ADAMTS12: variants seen among roughly 807,000 people sequenced by gnomAD.
ADAMTS12 encodes A disintegrin and metalloproteinase with thrombospondin motifs 12.
Under a neutral mutation model 167.8 loss-of-function variants are expected in ADAMTS12, and 118 were observed. The observed-to-expected ratio is 0.70, with a 90% CI of 0.61 to 0.82. The LOEUF is 0.82. Among genes scored for constraint, ADAMTS12 ranks in the 40% least tolerant of loss-of-function variants. The probability of loss-of-function intolerance (pLI) is 0.00; values close to 1 mark genes in which losing one functional copy is unlikely to be tolerated. For missense variants in ADAMTS12, 1,916 were observed against 1,998.8 expected, an observed-to-expected ratio of 0.96 and a Z score of 0.79; for synonymous variants, 704 against 716.9, an observed-to-expected ratio of 0.98 and a Z score of 0.29.
intron 15 of ADAMTS12, among the ~76,000 whole-genome samples, chr5:33,615,199 A>G (rs1738936850): frequency 1.3e-5 from 2 of 152,218 alleles, no homozygotes. Context: ...CATGGATCAC[A>G]ACTGCCACGC....
At chr5:33,760,879 CTGTGTG>C (rs61110268) in intron 2 of ADAMTS12, among the ~76,000 whole-genome samples, 3,831 of 145,154 alleles carry the variant, frequency 0.026, 67 homozygotes, top group African/African-American at 0.048. Flanking sequence ...TGTCTTTGCT[CTGTGTG>C]TGTGTGTGTG....
At chr5:33,787,439 A>G (rs1461526070) in intron 2 of ADAMTS12, among the ~76,000 whole-genome samples, 1 of 152,274 alleles carries the variant, frequency 6.6e-6, no homozygotes, top group African/African-American at 2.4e-5. Flanking sequence ...AATATTTTCC[A>G]GCATTTGTGG....
chr5:33,720,549 A>G (rs1743773998), intron 3 of ADAMTS12, among the ~76,000 whole-genome samples: 1 of 152,202 alleles, frequency 6.6e-6, no homozygotes, highest in Non-Finnish European at 1.5e-5. Flanking sequence ...GATGAGATAA[A>G]TCTTGCCAGA....
At chr5:33,618,451 C>A (rs1235934397) in intron 14 of ADAMTS12, among the ~76,000 whole-genome samples, 5 of 152,166 alleles carry the variant, frequency 3.3e-5, no homozygotes, top group African/African-American at 7.2e-5. Flanking sequence ...CCTTCTTCCA[C>A]CATTTGCTTT....
At chr5:33,728,668 A>G (rs113290136) in intron 3 of ADAMTS12, among the ~76,000 whole-genome samples, 1 of 152,248 alleles carries the variant, frequency 6.6e-6, no homozygotes, top group African/African-American at 2.4e-5. Context: ...CTTCCACAAA[A>G]CACCTTAGCA....
chr5:33,685,072 G>A (rs1416720428), intron 3 of ADAMTS12, among the ~76,000 whole-genome samples: 1 of 152,196 alleles, frequency 6.6e-6, no homozygotes, highest in Non-Finnish European at 1.5e-5. Context: ...CTGATACAGG[G>A]CAGCGCCTGG....
In ADAMTS12 at chr5:33,577,169, G is replaced by A. The variant is rs1395458843; in HGVS notation, c.2866-9C>T. ...CCACAGGAAACAGAACACTAGAAGA[G>A]AGAAACAGCTGTTAGCCTGGCGAGA... On this transcript the variant is annotated splice_polypyrimidine_tract_variant and intron_variant, in intron 18 of 23. Transcript: ENST00000504830. 6.2e-7 allele frequency: 1 copy of A among 1,613,946 alleles called. No homozygotes were observed. Among genetic ancestry groups the A allele is most frequent in the Non-Finnish European group, 8.5e-7 (1 of 1,180,002 alleles).
chr5:33,696,794 A>G (rs1183052206), intron 3 of ADAMTS12, among the ~76,000 whole-genome samples: 3 of 152,238 alleles, frequency 2.0e-5, no homozygotes, highest in Non-Finnish European at 4.4e-5. Context: ...GATGTTATCA[A>G]TACTGACAAA....
chr5:33,772,404 C>T (rs1408261635), intron 2 of ADAMTS12, among the ~76,000 whole-genome samples: 3 of 152,110 alleles, frequency 2.0e-5, no homozygotes, highest in Admixed American at 2.0e-4. Flanking sequence ...CAGGCATCTT[C>T]TACCAGTGGG....
chr5:33,530,115 G>A (rs375026431), intron 23 of ADAMTS12, among the ~76,000 whole-genome samples: 2 of 151,324 alleles, frequency 1.3e-5, no homozygotes, highest in Non-Finnish European at 2.9e-5. Flanking sequence ...TAGTAGAGAC[G>A]GGGTTTCACC....
At chr5:33,586,108 G>A (rs1257763756) in intron 18 of ADAMTS12, among the ~76,000 whole-genome samples, 1 of 152,170 alleles carries the variant, frequency 6.6e-6, no homozygotes, top group Admixed American at 6.5e-5. Flanking sequence ...ATGACACAGT[G>A]CAGACCAAAT....
At chr5:33,701,283 T>G (rs528692713) in intron 3 of ADAMTS12, among the ~76,000 whole-genome samples, 7 of 152,320 alleles carry the variant, frequency 4.6e-5, no homozygotes, top group Admixed American at 4.6e-4. Flanking sequence ...TTACATCTAC[T>G]TGTGGTTTCC....
At chr5:33,871,359 T>C (rs912339709) in intron 2 of ADAMTS12, among the ~76,000 whole-genome samples, 4 of 152,118 alleles carry the variant, frequency 2.6e-5, no homozygotes, top group African/African-American at 7.2e-5. Context: ...ATAAAGCTAA[T>C]ATTACCCTGA....
chr5:33,696,420 CA>C (rs71600922), intron 3 of ADAMTS12, among the ~76,000 whole-genome samples: 17 of 129,942 alleles, frequency 1.3e-4, no homozygotes, highest in African/African-American at 2.4e-4. Context: ...GACTCCGTCT[CA>C]AAAAAAAAAA....
At chr5:33,687,619 A>G (rs1455335800) in intron 3 of ADAMTS12, among the ~76,000 whole-genome samples, 1 of 152,222 alleles carries the variant, frequency 6.6e-6, no homozygotes, top group East Asian at 1.9e-4. Context: ...GGTTCAAGTA[A>G]TTCCCAAAGA....
intron 2 of ADAMTS12, among the ~76,000 whole-genome samples, chr5:33,837,281 T>C (rs1049205964): frequency 1.4e-4 from 22 of 152,232 alleles, no homozygotes; most frequent in Admixed American, 2.0e-4. Flanking sequence ...AAATTACTTA[T>C]GCACCAACAT....
At chr5:33,845,998 T>A (rs561057070) in intron 2 of ADAMTS12, among the ~76,000 whole-genome samples, 1 of 152,318 alleles carries the variant, frequency 6.6e-6, no homozygotes, top group African/African-American at 2.4e-5. Context: ...TCCACTCCAA[T>A]GACCCAAATA....
At chr5:33,545,720 A>G (rs1055178669) in intron 22 of ADAMTS12, among the ~76,000 whole-genome samples, 12 of 152,100 alleles carry the variant, frequency 7.9e-5, no homozygotes, top group Admixed American at 5.9e-4. Flanking sequence ...AGGGACATGG[A>G]TGAAGTTGGA....
At chr5:33,690,528 T>G (rs1169777294) in intron 3 of ADAMTS12, among the ~76,000 whole-genome samples, 1 of 151,846 alleles carries the variant, frequency 6.6e-6, no homozygotes, top group Admixed American at 6.6e-5. Flanking sequence ...CTGCACTCAC[T>G]TCATTCAGAA....
Sources: gnomAD v4.1 joint callset for allele counts (sites outside exome capture counted in the v4.1 genomes callset) on GRCh38, gnomAD v4.1.1 for gene constraint, MANE v1.5 for transcripts, NCBI Gene and HGNC (gene_info 2026-07-23, HGNC 2026-07-21) for gene names.